ARL9: variants seen among roughly 807,000 people sequenced by gnomAD.
ARL9 encodes the protein ADP-ribosylation factor-like protein 9.
A neutral mutation model predicts 27.0 loss-of-function variants in ARL9; 14 were observed. The ratio of observed to expected loss-of-function variants is 0.52; its 90% CI spans 0.34 to 0.81. The LOEUF (loss-of-function observed/expected upper bound fraction) is 0.81, where lower values mean the gene tolerates loss of function less well. Among genes scored for constraint, ARL9 ranks in the 30% least tolerant of loss-of-function variants. ARL9 has a pLI of 0.01. For missense variants in ARL9, 294 were observed against 290.0 expected, an observed-to-expected ratio of 1.01 and a Z score of -0.10; for synonymous variants, 106 against 108.7, an observed-to-expected ratio of 0.98 and a Z score of 0.15.
Position 56,523,924 on chromosome 4 carries a change from T to C in ARL9, c.*48T>C. On this transcript the variant is annotated 3_prime_UTR_variant, in exon 4 of 4. Coordinates refer to ENST00000640821, the MANE Select transcript of ARL9 (RefSeq NM_001363794.2). Reference sequence around the variant, plus strand: ...GCTCACGACTGAGATGTCATCAGTGTTGAATGGCAGGCTTGAAGCCAAAGG... The same window carrying C: ...GCTCACGACTGAGATGTCATCAGTGCTGAATGGCAGGCTTGAAGCCAAAGG... The C allele has an allele frequency of 1.3e-6, 2 of 1,526,764 alleles. No homozygotes were observed. The highest frequency in any genetic ancestry group is 1.8e-6 in the Non-Finnish European group (2 of 1,134,198). The allele number at this position is 1,526,764 out of a possible 1,614,324, so 94.6% of individuals were successfully genotyped here.
intron 3 of ARL9, among the ~76,000 whole-genome samples, chr4:56,521,976 CTCTTT>C (rs770817500): frequency 7.1e-4 from 108 of 151,630 alleles, no homozygotes; most frequent in African/African-American, 1.3e-3. Context: ...CTCCACTCCT[CTCTTT>C]TCTTTTCTTT....
intron 2 of ARL9, among the ~76,000 whole-genome samples, chr4:56,512,734 G>A (rs1325904106): frequency 6.6e-6 from 1 of 151,748 alleles, no homozygotes; most frequent in African/African-American, 2.4e-5. Flanking sequence ...TAGAGACGGG[G>A]TTTCACCATG....
chr4:56,516,060 T>C (rs1721758610), intron 2 of ARL9, among the ~76,000 whole-genome samples: 1 of 152,076 alleles, frequency 6.6e-6, no homozygotes, highest in African/African-American at 2.4e-5. Flanking sequence ...TATAAAGATA[T>C]GAAACTAAAA....
intron 1 of ARL9, among the ~76,000 whole-genome samples, chr4:56,508,443 C>T (rs1173479158): frequency 2.0e-5 from 3 of 151,822 alleles, no homozygotes; most frequent in African/African-American, 7.3e-5. Flanking sequence ...AGTGCAATGG[C>T]GCGATCTCAG....
chr4:56,521,119 G>A (rs1721903224), intron 3 of ARL9, among the ~76,000 whole-genome samples: 1 of 151,806 alleles, frequency 6.6e-6, no homozygotes, highest in Non-Finnish European at 1.5e-5. Context: ...GCTGAGGCAG[G>A]AGAATCACTT....
chr4:56,514,524 C>T (rs180922963), intron 2 of ARL9, among the ~76,000 whole-genome samples: 1 of 152,188 alleles, frequency 6.6e-6, no homozygotes, highest in East Asian at 1.9e-4. Flanking sequence ...ATTAGGATGA[C>T]AAGAGTATAA....
rs773723209 is a variant in ARL9, at chr4:56,518,866, G to T, written c.618+13G>T. 1.9e-6 allele frequency: 3 copies of T among 1,609,752 alleles called. No individual in the cohort carries two copies. Among genetic ancestry groups the T allele is most frequent in the South Asian group, 2.2e-5 (2 of 90,404 alleles). ...TGCAAACAAACAGGTAAAAATCTGT[G>T]CAAATATAAATTGTACTCAAGAGTT... On this transcript the variant is annotated intron_variant, in intron 3 of 3. Transcript: ENST00000640821.
At position 56,505,872 on chromosome 4, in the gene ARL9, G is replaced by A; in HGVS notation, c.10G>A (p.Gly4Arg). 1 of 1,269,370 alleles carries A rather than the reference G, an allele frequency of 7.9e-7. No individual in the cohort carries two copies. Among genetic ancestry groups the A allele is most frequent in the Admixed American group, 3.7e-5 (1 of 26,760 alleles). 78.6% of individuals were successfully genotyped at this position (1,269,370 alleles called of 1,614,324 possible). Residue 4 changes from glycine (G) to arginine (R), a missense_variant, in exon 1 of 4, where the codon GGG becomes AGG. Physicochemically the swap from Gly to Arg is moderately radical, Grantham distance 125 (BLOSUM62 -2). Transcript: ENST00000640821. ...AACCGCGGCGCTGGGGATGGAGAGGGGGAAAGTGAAGAAGAAAGAGAAGGA... is the reference window on the plus strand; with the variant it reads ...AACCGCGGCGCTGGGGATGGAGAGGAGGAAAGTGAAGAAGAAAGAGAAGGA... MER[G>R]KVKKKEKEKE...
At chr4:56,509,975 A>G (rs1721589039) in intron 1 of ARL9, among the ~76,000 whole-genome samples, 1 of 151,722 alleles carries the variant, frequency 6.6e-6, no homozygotes, top group Non-Finnish European at 1.5e-5. Context: ...TCCCAAGTTC[A>G]TCTGTTTTTA....
At chr4:56,519,526 C>T (rs935687396) in intron 3 of ARL9, among the ~76,000 whole-genome samples, 10 of 151,978 alleles carry the variant, frequency 6.6e-5, no homozygotes, top group African/African-American at 2.4e-4. Flanking sequence ...AGGAGAATGG[C>T]GTGAACCTGG....
chr4:56,521,460 A>T (rs1225727958), intron 3 of ARL9, among the ~76,000 whole-genome samples: 1 of 152,096 alleles, frequency 6.6e-6, no homozygotes, highest in Non-Finnish European at 1.5e-5. Flanking sequence ...CCCTTTGTGG[A>T]TGTCTATGAA....
chr4:56,510,698 G>C (rs1451103963), intron 1 of ARL9, among the ~76,000 whole-genome samples: 1 of 152,016 alleles, frequency 6.6e-6, no homozygotes, highest in Non-Finnish European at 1.5e-5. Context: ...ATCACATAAT[G>C]AACAGCTCAT....
intron 2 of ARL9, among the ~76,000 whole-genome samples, chr4:56,511,591 C>G (rs1011783150): frequency 1.3e-5 from 2 of 152,172 alleles, no homozygotes; most frequent in Admixed American, 1.3e-4. Flanking sequence ...CTTTAGCACT[C>G]ACTCCTATAA....
In ARL9 at chr4:56,524,342, T is replaced by C. The variant is rs1722018081; in HGVS notation, c.*466T>C. 1 of 153,476 alleles carries C rather than the reference T, an allele frequency of 6.5e-6. No homozygotes were observed. Among genetic ancestry groups the C allele is most frequent in the African/African-American group, 2.4e-5 (1 of 41,486 alleles). 9.5% of individuals were successfully genotyped at this position (153,476 alleles called of 1,614,324 possible). ...ACGGACAACTGTACAAAGATAATGC[T>C]AACATAATAACAGCATCTCTATTTG... On this transcript the variant is annotated 3_prime_UTR_variant, in exon 4 of 4. Coordinates refer to ENST00000640821, the MANE Select transcript of ARL9 (RefSeq NM_001363794.2).
intron 1 of ARL9, among the ~76,000 whole-genome samples, chr4:56,508,208 T>C (rs1312463294): frequency 6.8e-6 from 1 of 147,910 alleles, no homozygotes; most frequent in African/African-American, 2.6e-5. Context: ...AGCCATCCAA[T>C]GAAGTCTCCC....
intron 2 of ARL9, among the ~76,000 whole-genome samples, chr4:56,513,243 A>G (rs1721687232): frequency 6.6e-6 from 1 of 152,234 alleles, no homozygotes; most frequent in Admixed American, 6.5e-5. Context: ...ATTCAGTGAT[A>G]TAAATCTGTA....
Position 56,520,006 on chromosome 4 carries a change from C to CTT in ARL9, c.618+1166_618+1167dup, listed in dbSNP as rs1188540227. Among the ~76,000 whole-genome samples, 1,096 of 143,102 alleles carry CTT rather than the reference C, an allele frequency of 7.7e-3. 16 individuals carry two copies. Among genetic ancestry groups the CTT allele is most frequent in the African/African-American group, 0.026 (1,022 of 39,152 alleles). 93.9% of individuals were successfully genotyped at this position (143,102 alleles called of 152,430 possible). A position where few individuals can be genotyped will look rare whatever the true frequency, so the allele number is the denominator to read the frequency against. ...TACAGGCATGCGCCACCACTCCTGA[C>CTT]TTTTTTTTTTTTTTGAGACAGAGTC... On this transcript the variant is annotated intron_variant, in intron 3 of 3. Transcript: ENST00000640821.
In ARL9 at chr4:56,506,078, G is replaced by A; in HGVS notation, c.216G>A (p.Lys72=). ...KETNKEKEQF[K]GQEEKGENKD... ...CAAACAAAGAGAAGGAACAATTTAA[G>A]GGACAAGAAGAGAAAGGGGAGAACA... Residue 72 remains lysine, a synonymous_variant, in exon 1 of 4, where the codon AAG becomes AAA. Transcript: ENST00000640821. The A allele has an allele frequency of 8.1e-7, 1 of 1,235,120 alleles. No homozygotes were observed. The highest frequency in any genetic ancestry group is 1.0e-6 in the Non-Finnish European group (1 of 990,044). 76.5% of individuals were successfully genotyped at this position (1,235,120 alleles called of 1,614,324 possible). A position where few individuals can be genotyped will look rare whatever the true frequency, so the allele number is the denominator to read the frequency against.
intron 1 of ARL9, among the ~76,000 whole-genome samples, chr4:56,509,097 C>T (rs145586595): frequency 2.6e-5 from 4 of 152,284 alleles, no homozygotes; most frequent in African/African-American, 9.6e-5. Context: ...TTTCAGAGCA[C>T]CCTGTACGAT....
Sources: allele counts gnomAD v4.1 joint callset (sites outside exome capture counted in the v4.1 genomes callset), GRCh38; gene constraint gnomAD v4.1.1; transcripts MANE v1.5; gene names NCBI Gene and HGNC (gene_info 2026-07-23, HGNC 2026-07-21).